The following PYROXD1 variants were observed in gnomAD, a reference collection of about 807,000 sequenced individuals.
PYROXD1 encodes the protein tRNA ligase complex-associated NAD(P)H dehydrogenase PYROXD1.
In PYROXD1, 42 loss-of-function variants were observed where a neutral mutation model predicts 62.0. The observed-to-expected ratio is 0.68, with a 90% confidence interval of 0.53 to 0.88. The LOEUF (loss-of-function observed/expected upper bound fraction) is 0.88. Ranked by LOEUF, PYROXD1 falls within the 40% of genes least tolerant of loss-of-function variation. PYROXD1 has a pLI of 0.00. For synonymous variants in PYROXD1, 170 were observed against 206.4 expected (o/e 0.82, Z 1.51); for missense variants, 493 against 604.8 (o/e 0.82, Z 1.94).
At chr12:21,464,986 A>G (rs1462067237) in intron 10 of PYROXD1, among the ~76,000 whole-genome samples, 1 of 152,204 alleles carries the variant, frequency 6.6e-6, no homozygotes, top group East Asian at 1.9e-4. Context: ...ATGTCCCTAC[A>G]AAGGACATGA....
At chr12:21,440,263 A>G in intron 1 of PYROXD1, 105 bp from the exon 2 acceptor site, 1 of 634,782 alleles carries the variant, frequency 1.6e-6, no homozygotes, top group Non-Finnish European at 2.7e-6. Context: ...TTAATTTTCT[A>G]GATTAATTAC....
intron 1 of PYROXD1, among the ~76,000 whole-genome samples, chr12:21,439,160 G>T (rs2417983): frequency 0.49 from 74,879 of 152,022 alleles, 18,507 homozygotes; most frequent in Middle Eastern, 0.59. Flanking sequence ...AGATCATAAG[G>T]AGTCTTAGCA....
At chr12:21,458,632 A>G (rs1057052496) in intron 7 of PYROXD1, among the ~76,000 whole-genome samples, 5 of 152,188 alleles carry the variant, frequency 3.3e-5, no homozygotes, top group South Asian at 2.1e-4. Context: ...AGAGGCCACT[A>G]CAGAGTAACT....
chr12:21,470,937 A>G lies in PYROXD1; in HGVS notation c.*2183A>G. On this transcript the variant is annotated 3_prime_UTR_variant, in exon 12 of 12. Coordinates refer to ENST00000240651, the MANE Select transcript of PYROXD1 (RefSeq NM_024854.5). Reference sequence around the variant, plus strand: ...CATAGGCTTTAATATACTTTTTAAAATATATAAAACTGAAAATTAATAGCC... The same window carrying G: ...CATAGGCTTTAATATACTTTTTAAAGTATATAAAACTGAAAATTAATAGCC... 7.1e-7 allele frequency: 1 copy of G among 1,398,758 alleles called. No individual in the cohort carries two copies. Among genetic ancestry groups the G allele is most frequent in the East Asian group, 2.9e-5 (1 of 34,594 alleles). The allele number at this position is 1,398,758 out of a possible 1,614,324, so 86.6% of individuals were successfully genotyped here.
chr12:21,460,011 C>T (rs754252218), intron 7 of PYROXD1, among the ~76,000 whole-genome samples: 6 of 152,076 alleles, frequency 3.9e-5, no homozygotes, highest in Non-Finnish European at 7.3e-5. Flanking sequence ...ATTTGCTTTT[C>T]CTCATTTTGT....
intron 7 of PYROXD1, among the ~76,000 whole-genome samples, chr12:21,458,545 T>C (rs1031925934): frequency 4.6e-5 from 7 of 152,228 alleles, no homozygotes; most frequent in African/African-American, 1.7e-4. Context: ...TGTGCCTTCC[T>C]CAATAACCCT....
At chr12:21,457,723 C>T (rs535633910) in intron 7 of PYROXD1, among the ~76,000 whole-genome samples, 48 of 148,290 alleles carry the variant, frequency 3.2e-4, no homozygotes, top group African/African-American at 1.2e-3. Flanking sequence ...GCTGGTGCCA[C>T]ACACCTTTAA....
In PYROXD1 at chr12:21,462,068, T is replaced by C; in HGVS notation, c.941T>C (p.Val314Ala). The C allele has an allele frequency of 6.2e-7, 1 of 1,613,156 alleles. No homozygotes were observed. The highest frequency in any genetic ancestry group is 8.5e-7 in the Non-Finnish European group (1 of 1,179,554). The change falls in exon 9 of 12, where the codon GTC becomes GCC. Residue 314 changes from valine (V) to alanine (A), a missense_variant. This residue lies in a region of PYROXD1 where 329 missense variants were observed against 446.6 expected (regional missense o/e 0.74). Transcript: ENST00000240651. ...NEKIYGCDFI[V>A]SATGVTPNVE... The stretch of plus-strand genomic sequence containing the variant: ...AAGATATATGGCTGCGATTTCATTG[T>C]CAGTGCTACAGGAGTTACACCAAAT...
At chr12:21,456,963 T>C in intron 7 of PYROXD1, 2 of 434,148 alleles carry the variant, frequency 4.6e-6, no homozygotes, top group Admixed American at 5.5e-5. Context: ...TCAAATTTTA[T>C]CATGAGATTG....
At chr12:21,467,664 ATGAC>A (rs762427692) in intron 11 of PYROXD1, 46 bp downstream of exon 11, 179 of 1,368,914 alleles carry the variant, frequency 1.3e-4, no homozygotes, top group Non-Finnish European at 1.3e-5. Context: ...TGTTAGTCTT[ATGAC>A]TATGATAAAT....
Position 21,467,611 on chromosome 12 carries a change from A to T in PYROXD1, c.1247A>T (p.Asn416Ile), listed in dbSNP as rs141159285. 7 of 1,610,078 alleles carry T rather than the reference A, an allele frequency of 4.3e-6. No homozygotes were observed. In the African/African-American group the frequency reaches 9.4e-5, roughly 22 times the overall value. The part of the protein sequence containing the change: ...ELFAHVTKFF[N>I]YKVVLLGKYN... Reference sequence around the variant, plus strand: ...TTTGCTCATGTGACAAAATTTTTTAACTATAAGGTAAGATAGTTAAGCATA... The same window carrying T: ...TTTGCTCATGTGACAAAATTTTTTATCTATAAGGTAAGATAGTTAAGCATA... The change falls in exon 11 of 12, where the codon AAC becomes ATC. Residue 416 changes from asparagine (N) to isoleucine (I), a missense_variant. Physicochemically the swap from Asn to Ile is moderately radical, Grantham distance 149. Coordinates refer to ENST00000240651, the MANE Select transcript of PYROXD1 (RefSeq NM_024854.5).
intron 4 of PYROXD1, 111 bp downstream of exon 4, chr12:21,449,802 G>T: frequency 2.3e-5 from 19 of 836,460 alleles, no homozygotes; most frequent in South Asian, 9.6e-5. Flanking sequence ...GGAAATTTTT[G>T]TTTCATGACC....
rs1365129904 is a variant in PYROXD1 at position 21,446,335 on chromosome 12, G to C, written c.285+869G>C. Among the ~76,000 whole-genome samples the C allele has an allele frequency of 2.0e-5, 3 of 152,016 alleles. No individual in the cohort carries two copies. In the East Asian group the frequency reaches 5.8e-4, roughly 30 times the overall value. ...GCTACTCGGGAGACTTGAGGCAGGA[G>C]AATGGCGTGAACCCGGGAGGCGGAG... On this transcript the variant is annotated intron_variant, in intron 3 of 11. Transcript: ENST00000240651.
At chr12:21,438,449 T>A (rs899790688) in intron 1 of PYROXD1, 2 of 152,278 alleles carry the variant, frequency 1.3e-5, no homozygotes, top group Admixed American at 6.5e-5. Flanking sequence ...CTCAGCCCCC[T>A]TTGTTAATTA....
intron 3 of PYROXD1, chr12:21,447,433 A>G (rs1211620671): frequency 6.6e-6 from 1 of 152,360 alleles, no homozygotes; most frequent in Admixed American, 6.5e-5. Flanking sequence ...ATGGATTGTC[A>G]GGGAATTTAT....
chr12:21,462,147 G>A (rs921595657), intron 9 of PYROXD1, 27 bp downstream of exon 9: 6 of 1,320,614 alleles, frequency 4.5e-6, no homozygotes, highest in Non-Finnish European at 6.5e-6. Context: ...TTGTCCAGCT[G>A]TGAATATATT....
chr12:21,453,240 C>T (rs768926493), intron 5 of PYROXD1, among the ~76,000 whole-genome samples: 2 of 152,008 alleles, frequency 1.3e-5, no homozygotes, highest in Admixed American at 6.6e-5. Flanking sequence ...CAGAGTCTTA[C>T]ATTTAATCCT....
chr12:21,458,707 A>G (rs1292547045), intron 7 of PYROXD1, among the ~76,000 whole-genome samples: 4 of 152,190 alleles, frequency 2.6e-5, no homozygotes, highest in Admixed American at 1.3e-4. Flanking sequence ...AGGGAGAGAC[A>G]TAGGACAACA....
chr12:21,442,105 T>G (rs1250974244), intron 2 of PYROXD1, among the ~76,000 whole-genome samples: 2 of 152,224 alleles, frequency 1.3e-5, no homozygotes, highest in Non-Finnish European at 2.9e-5. Context: ...TCTTTTCTTC[T>G]CCCACAAAGG....
Sources: allele counts gnomAD v4.1 joint callset (sites outside exome capture counted in the v4.1 genomes callset), GRCh38; gene constraint gnomAD v4.1.1; regional missense constraint gnomAD v4.1.1; transcripts MANE v1.5; gene names NCBI Gene and HGNC (gene_info 2026-07-23, HGNC 2026-07-21).